PPIL6: variants seen among roughly 807,000 people sequenced by gnomAD.
The protein encoded by PPIL6 is peptidylprolyl isomerase like 6, also known as probable inactive peptidyl-prolyl cis-trans isomerase-like 6.
PPIL6 carries 39 observed loss-of-function variants against 36.8 expected under a neutral mutation model. The ratio of observed to expected loss-of-function variants is 1.06; its 90% CI spans 0.82 to 1.38. The LOEUF is 1.38. PPIL6 is among the 40% of genes most tolerant of loss of function. The pLI, the probability that PPIL6 is intolerant of heterozygous loss-of-function variation, is 0.00. For synonymous variants in PPIL6, 123 were observed against 134.1 expected, an observed-to-expected ratio of 0.92 and a Z score of 0.57; for missense variants, 368 against 379.1, an observed-to-expected ratio of 0.97 and a Z score of 0.24.
At chr6:109,416,376 T>C (rs1484208767) in intron 6 of PPIL6, among the ~76,000 whole-genome samples, 1 of 151,964 alleles carries the variant, frequency 6.6e-6, no homozygotes, top group East Asian at 1.9e-4. Flanking sequence ...CTAAATTTTA[T>C]ATTTTCAGTA....
chr6:109,396,895 C>T (rs1772326170), intron 7 of PPIL6, among the ~76,000 whole-genome samples: 1 of 151,804 alleles, frequency 6.6e-6, no homozygotes, highest in Non-Finnish European at 1.5e-5. Flanking sequence ...TGTCTTGGAT[C>T]AGAGAGGAAT....
rs190030807 is a variant in PPIL6, at chr6:109,401,970, G to A, written c.689-1800C>T. On this transcript the variant is annotated intron_variant, in intron 6 of 7. Coordinates refer to ENST00000521072, the MANE Select transcript of PPIL6 (RefSeq NM_173672.5). ...TATCTCGTGACCTCGTGATCTACCC[G>A]CCTCGGCCTCCCAAAGTGCTGGGAT... is the stretch of plus-strand genomic sequence containing the variant. Among the ~76,000 whole-genome samples, 5 of 152,016 alleles carry A rather than the reference G, an allele frequency of 3.3e-5. No homozygotes were observed. The East Asian group carries it at 5.8e-4, about 18-fold the overall frequency.
intron 6 of PPIL6, among the ~76,000 whole-genome samples, chr6:109,415,697 A>G (rs549263931): frequency 6.6e-6 from 1 of 152,320 alleles, no homozygotes; most frequent in African/African-American, 2.4e-5. Context: ...TGAATGGTAT[A>G]ATCCTTCCAG....
At chr6:109,425,592 T>TA (rs1225278100) in intron 5 of PPIL6, among the ~76,000 whole-genome samples, 1 of 151,490 alleles carries the variant, frequency 6.6e-6, no homozygotes, top group Non-Finnish European at 1.5e-5. Context: ...ACTAAAAAAA[T>TA]ACAAAAATTA....
chr6:109,402,980 T>C, intron 6 of PPIL6: 1 of 1,192,790 alleles, frequency 8.4e-7, no homozygotes, highest in South Asian at 1.4e-5. Context: ...AATTTACGTG[T>C]TATTTTGTTC....
chr6:109,431,373 A>G lies in PPIL6; in HGVS notation c.232-28T>C, dbSNP rs759521601. 2.6e-6 allele frequency: 4 copies of G among 1,542,832 alleles called. No homozygotes were observed. In the East Asian group the frequency reaches 9.0e-5, roughly 35 times the overall value. The stretch of plus-strand genomic sequence containing the variant: ...GTAAGGGAAAAGGACAAAAAAAAAA[A>G]AAAACGTAAGAAGTGGGGGGAAAAC... On this transcript the variant is annotated intron_variant, in intron 2 of 7. Coordinates refer to ENST00000521072, the MANE Select transcript of PPIL6 (RefSeq NM_173672.5).
chr6:109,402,179 A>G (rs1368919583), intron 6 of PPIL6, among the ~76,000 whole-genome samples: 1 of 152,222 alleles, frequency 6.6e-6, no homozygotes, highest in Non-Finnish European at 1.5e-5. Flanking sequence ...AAAGCAGTTA[A>G]TCATAATACC....
chr6:109,400,868 T>G (rs1000415180), intron 6 of PPIL6, among the ~76,000 whole-genome samples: 5 of 152,076 alleles, frequency 3.3e-5, no homozygotes, highest in Non-Finnish European at 7.4e-5. Context: ...AAATTTTTTT[T>G]TTGTTTTTTG....
chr6:109,406,817 G>A (rs1772815716), intron 6 of PPIL6, among the ~76,000 whole-genome samples: 1 of 152,048 alleles, frequency 6.6e-6, no homozygotes, highest in African/African-American at 2.4e-5. Flanking sequence ...TATTTGTTGG[G>A]TTTTGATCAA....
chr6:109,427,576 G>A (rs192955483), intron 3 of PPIL6, among the ~76,000 whole-genome samples: 1 of 152,130 alleles, frequency 6.6e-6, no homozygotes, highest in Admixed American at 6.6e-5. Flanking sequence ...TGATAGAGAT[G>A]GGGTTTCACC....
chr6:109,435,091 T>C (rs1170385012), intron 2 of PPIL6, among the ~76,000 whole-genome samples: 2 of 152,096 alleles, frequency 1.3e-5, no homozygotes, highest in African/African-American at 4.8e-5. Flanking sequence ...CCCCTGGCTG[T>C]CTCTGTGATG....
chr6:109,401,026 A>ATTTTTTTTTTTTTTTTTTTTTTT (rs749611966), intron 6 of PPIL6, among the ~76,000 whole-genome samples: 1 of 114,950 alleles, frequency 8.7e-6, no homozygotes, highest in African/African-American at 3.7e-5. Flanking sequence ...TGCCCGGCTA[A>ATTTTTTTTTTTTTTTTTTTTTTT]TTTTTTTTTT....
At chr6:109,439,512 C>G (rs1774670498) in intron 1 of PPIL6, among the ~76,000 whole-genome samples, 1 of 152,124 alleles carries the variant, frequency 6.6e-6, no homozygotes, top group Non-Finnish European at 1.5e-5. Flanking sequence ...ACCGCCACCA[C>G]GCCCGGCTAA....
chr6:109,395,990 G>T (rs1562253912), intron 7 of PPIL6, among the ~76,000 whole-genome samples: 1 of 151,726 alleles, frequency 6.6e-6, no homozygotes, highest in African/African-American at 2.4e-5. Flanking sequence ...CTGCCACCAC[G>T]CCCGGCTAAT....
rs749269079 is a variant in PPIL6 at position 109,427,159 on chromosome 6, G to A, written c.421-3C>T. ...ATGTCCAAAAACACGAAATCATGCT[G>A]TGAAGATTAAGGAGAATCATATAAT... On this transcript the variant is annotated splice_region_variant and splice_polypyrimidine_tract_variant and intron_variant, in intron 3 of 7. Coordinates refer to ENST00000521072, the MANE Select transcript of PPIL6 (RefSeq NM_173672.5). 1 of 1,608,728 alleles carries A rather than the reference G, an allele frequency of 6.2e-7. No individual in the cohort carries two copies. The highest frequency in any genetic ancestry group is 1.7e-5 in the Admixed American group (1 of 59,842).
At chr6:109,406,499 G>C (rs1170307116) in intron 6 of PPIL6, among the ~76,000 whole-genome samples, 1 of 152,150 alleles carries the variant, frequency 6.6e-6, no homozygotes, top group Admixed American at 6.5e-5. Flanking sequence ...ATCATGTCTG[G>C]TTGTCTCTGT....
At chr6:109,427,558 T>C (rs780598625) in intron 3 of PPIL6, among the ~76,000 whole-genome samples, 23 of 152,088 alleles carry the variant, frequency 1.5e-4, no homozygotes, top group Non-Finnish European at 2.8e-4. Context: ...AGCTAATTTT[T>C]GTATTTTTGA....
chr6:109,413,757 T>C lies in PPIL6; in HGVS notation c.688+5430A>G, dbSNP rs1283856970. On this transcript the variant is annotated intron_variant, in intron 6 of 7. Coordinates refer to ENST00000521072, the MANE Select transcript of PPIL6 (RefSeq NM_173672.5). The surrounding 1 kb of genome is among the most constrained non-coding windows in gnomAD (Gnocchi z 4.6). ...ATGGATAAAGAAAATGTGGTACATA[T>C]ACACAATGGAATACTATTCAGCCAT... 6.6e-6 allele frequency among the ~76,000 whole-genome samples: 1 copy of C among 152,168 alleles called. No individual in the cohort carries two copies. The highest frequency in any genetic ancestry group is 1.5e-5 in the Non-Finnish European group (1 of 68,020).
At chr6:109,392,974 A>G (rs757607286) in intron 7 of PPIL6, 37 bp from the exon 8 acceptor site, 5 of 1,182,694 alleles carry the variant, frequency 4.2e-6, no homozygotes, top group Admixed American at 2.0e-5. Flanking sequence ...TTAGTCAGTC[A>G]TAAGTTTTCA....
Sources: allele counts gnomAD v4.1 joint callset (sites outside exome capture counted in the v4.1 genomes callset), GRCh38; gene constraint gnomAD v4.1.1; non-coding constraint Gnocchi (gnomAD v3.1); transcripts MANE v1.5; gene names NCBI Gene and HGNC (gene_info 2026-07-23, HGNC 2026-07-21).